Variants in VPS13C observed in about 807,000 individuals in gnomAD.
VPS13C encodes the protein vacuolar protein sorting 13 homolog C.
A neutral mutation model predicts 456.8 loss-of-function variants in VPS13C; 358 were observed. The observed-to-expected ratio is 0.78, with a 90% CI of 0.72 to 0.86. The LOEUF (loss-of-function observed/expected upper bound fraction) is 0.86. Among genes scored for constraint, VPS13C ranks in the 40% least tolerant of loss-of-function variants. VPS13C has a pLI of 0.00. For missense variants in VPS13C, 4,818 were observed against 4,385.4 expected (o/e 1.10, Z -2.79); for synonymous variants, 1,578 against 1,486.7 (o/e 1.06, Z -1.41).
intron 78 of VPS13C, 136 bp downstream of exon 78, chr15:61,873,110 G>A (rs572033963): frequency 7.5e-6 from 10 of 1,339,698 alleles, no homozygotes; most frequent in South Asian, 1.5e-5. Flanking sequence ...AAAGGAAACT[G>A]GGAAGTCCAT....
intron 68 of VPS13C, 114 bp downstream of exon 68, chr15:61,884,014 C>T: frequency 2.3e-6 from 2 of 887,594 alleles, no homozygotes; most frequent in Non-Finnish European, 3.2e-6. Flanking sequence ...AGTTTATCTA[C>T]CAATAAATAA....
At chr15:61,856,860 G>T (rs546524279) in intron 82 of VPS13C, 6 of 158,416 alleles carry the variant, frequency 3.8e-5, no homozygotes, top group African/African-American at 9.6e-5. Flanking sequence ...AGCCATTTAT[G>T]CCTTCCAGTC....
At chr15:61,974,147 A>T in intron 25 of VPS13C, 141 bp downstream of exon 25, 1 of 845,824 alleles carries the variant, frequency 1.2e-6, no homozygotes, top group Non-Finnish European at 1.6e-6. Context: ...TATTTAAAAC[A>T]CATTATAAAT....
At chr15:61,911,337 A>G (rs2043295877) in intron 63 of VPS13C, among the ~76,000 whole-genome samples, 1 of 152,204 alleles carries the variant, frequency 6.6e-6, no homozygotes, top group African/African-American at 2.4e-5. Context: ...CAATGACTTT[A>G]TCAATCTTGG....
At position 61,920,308 on chromosome 15, in the gene VPS13C, A is replaced by G. The variant is rs879482710; in HGVS notation, c.7236T>C (p.Ser2412=). Residue 2412 remains serine, a synonymous_variant, in exon 57 of 85, where the codon TCT becomes TCC. Coordinates refer to ENST00000644861, the MANE Select transcript of VPS13C (RefSeq NM_020821.3). ...TGTCCTTTAAAGAGTAGTCAAAAGT[A>G]GAAGCAGTGCCCTCTGAAAAACCCT... is the stretch of plus-strand genomic sequence containing the variant. The part of the protein sequence containing the change: ...LAKGFSEGTA[S]TFDYSLKDRA... The G allele has an allele frequency of 3.1e-6, 5 of 1,606,912 alleles. No individual in the cohort carries two copies. Among genetic ancestry groups the G allele is most frequent in the African/African-American group, 1.3e-5 (1 of 74,794 alleles).
At position 61,866,372 on chromosome 15, in the gene VPS13C, G is replaced by A. The variant is rs979394563; in HGVS notation, c.10863+2287C>T. The A allele has an allele frequency of 1.0e-4, 102 of 983,236 alleles. No individual in the cohort carries two copies. The African/African-American group carries it at 1.6e-3, about 15-fold the overall frequency. The allele number at this position is 983,236 out of a possible 1,614,324, so 60.9% of individuals were successfully genotyped here. Reference sequence around the variant, plus strand: ...AGTTTCTTGAAGTTTTGTGCTTTTTGACAGAGAGTTATAAAAAGATATCAC... The same window carrying A: ...AGTTTCTTGAAGTTTTGTGCTTTTTAACAGAGAGTTATAAAAAGATATCAC... On this transcript the variant is annotated intron_variant, in intron 81 of 84. Coordinates refer to ENST00000644861, the MANE Select transcript of VPS13C (RefSeq NM_020821.3).
At chr15:61,994,881 T>G (rs2046333092) in intron 16 of VPS13C, among the ~76,000 whole-genome samples, 1 of 152,148 alleles carries the variant, frequency 6.6e-6, no homozygotes, top group Non-Finnish European at 1.5e-5. Context: ...GGCCATCACA[T>G]CGGCCTCTAT....
chr15:61,989,281 T>G (rs2046152287), intron 18 of VPS13C, among the ~76,000 whole-genome samples: 1 of 151,288 alleles, frequency 6.6e-6, no homozygotes, highest in South Asian at 2.1e-4. Context: ...ATGCCTGTAA[T>G]TCCAGCTACT....
intron 3 of VPS13C, 115 bp downstream of exon 3, chr15:62,041,209 A>T: frequency 9.8e-7 from 1 of 1,020,304 alleles, no homozygotes; most frequent in Admixed American, 2.8e-5. Flanking sequence ...CTAATTAATG[A>T]GGCAAAAAAA....
intron 31 of VPS13C, 68 bp downstream of exon 31, chr15:61,964,631 G>T: frequency 7.0e-7 from 1 of 1,426,924 alleles, no homozygotes; most frequent in Non-Finnish European, 9.5e-7. Context: ...ATAGTCTCTA[G>T]TATTCCTCAT....
At chr15:62,049,513 A>T (rs184798110) in intron 1 of VPS13C, among the ~76,000 whole-genome samples, 2 of 152,184 alleles carry the variant, frequency 1.3e-5, no homozygotes, top group Non-Finnish European at 2.9e-5. Context: ...TAGCCTTGCA[A>T]TATAGTTTGA....
chr15:61,907,456 T>C lies in VPS13C; in HGVS notation c.8979-66A>G, dbSNP rs1227392550. The C allele has an allele frequency of 1.9e-6, 3 of 1,569,150 alleles. No individual in the cohort carries two copies. The East Asian group carries it at 6.7e-5, about 35-fold the overall frequency. On this transcript the variant is annotated intron_variant, in intron 65 of 84. Transcript: ENST00000644861. The stretch of plus-strand genomic sequence containing the variant: ...AGATAAGAAACCCAAACCTGTAGTT[T>C]ACTGAGGAAGGGATTAGCACAGAAG...
chr15:61,907,140 C>A, intron 66 of VPS13C, 124 bp downstream of exon 66: 1 of 1,463,278 alleles, frequency 6.8e-7, no homozygotes, highest in Non-Finnish European at 9.5e-7. Context: ...CCAAAAGCTA[C>A]TTTTTCTGGA....
chr15:62,039,881 C>A (rs2048183948), intron 3 of VPS13C, among the ~76,000 whole-genome samples: 1 of 152,112 alleles, frequency 6.6e-6, no homozygotes, highest in South Asian at 2.1e-4. Context: ...GAAAGGAAAT[C>A]AGTATATTGA....
At chr15:62,052,412 A>G (rs112478573) in intron 1 of VPS13C, among the ~76,000 whole-genome samples, 1 of 152,078 alleles carries the variant, frequency 6.6e-6, no homozygotes, top group Non-Finnish European at 1.5e-5. Context: ...GCGGTGACTC[A>G]CGCCTGTAAT....
At chr15:61,888,099 T>A (rs1051642395) in intron 67 of VPS13C, among the ~76,000 whole-genome samples, 1 of 152,132 alleles carries the variant, frequency 6.6e-6, no homozygotes, top group Non-Finnish European at 1.5e-5. Flanking sequence ...GAACAGATCC[T>A]CAACATCATG....
chr15:61,881,384 TAG>T (rs995894708), intron 71 of VPS13C, among the ~76,000 whole-genome samples, 177 bp downstream of exon 71: 4 of 152,176 alleles, frequency 2.6e-5, no homozygotes, highest in East Asian at 1.9e-4. Flanking sequence ...TTAAAATATG[TAG>T]AGACTACTAC....
intron 66 of VPS13C, among the ~76,000 whole-genome samples, chr15:61,906,101 T>C (rs116847352): frequency 0.02 from 3,079 of 152,268 alleles, 68 homozygotes; most frequent in South Asian, 0.07. Context: ...TTTTTCTGTT[T>C]ATCATACTTA....
intron 42 of VPS13C, among the ~76,000 whole-genome samples, chr15:61,948,162 G>C (rs2044668536): frequency 3.3e-5 from 5 of 152,254 alleles, no homozygotes; most frequent in African/African-American, 1.2e-4. Flanking sequence ...CTGGAAGACT[G>C]TTTCTTTGGG....
Sources: allele counts gnomAD v4.1 joint callset (sites outside exome capture counted in the v4.1 genomes callset), GRCh38; gene constraint gnomAD v4.1.1; transcripts MANE v1.5; gene names NCBI Gene and HGNC (gene_info 2026-07-23, HGNC 2026-07-21).